Variants in PRKDC observed in about 807,000 individuals in gnomAD.
PRKDC encodes the protein protein kinase, DNA-activated, catalytic subunit.
Under a neutral mutation model 486.9 loss-of-function variants are expected in PRKDC, and 82 were observed. The observed-to-expected ratio is 0.17, with a 90% confidence interval of 0.14 to 0.20. PRKDC has a LOEUF of 0.20. Ranked by LOEUF, PRKDC falls within the 10% of genes least tolerant of loss-of-function variation. The pLI is 1.00. For synonymous variants in PRKDC, 1,895 were observed against 1,837.0 expected (o/e 1.03, Z -0.81); for missense variants, 4,504 against 5,038.2 (o/e 0.89, Z 3.21).
intron 1 of PRKDC, 51 bp from the exon 2 acceptor site, chr8:47,957,482 T>C (rs2090724160): frequency 7.1e-7 from 1 of 1,403,164 alleles, no homozygotes; most frequent in African/African-American, 1.4e-5. Flanking sequence ...GAGCATCATG[T>C]AAACCACTCC....
At chr8:47,903,307 C>A (rs1471772762) in intron 26 of PRKDC, among the ~76,000 whole-genome samples, 2 of 152,238 alleles carry the variant, frequency 1.3e-5, no homozygotes, top group Admixed American at 6.5e-5. Flanking sequence ...CAGCTATGGA[C>A]ATTTGACCAA....
At chr8:47,897,607 T>G (rs1031873664) in intron 29 of PRKDC, among the ~76,000 whole-genome samples, 1 of 152,214 alleles carries the variant, frequency 6.6e-6, no homozygotes, top group Non-Finnish European at 1.5e-5. Context: ...TCTCAAAGTG[T>G]GGTCCCTGGA....
intron 69 of PRKDC, among the ~76,000 whole-genome samples, chr8:47,806,800 T>G (rs2087222961): frequency 6.6e-6 from 1 of 152,212 alleles, no homozygotes; most frequent in Admixed American, 6.5e-5. Flanking sequence ...CATTTTGAAA[T>G]GATTAACAGG....
chr8:47,838,910 A>T (rs1292533293), intron 56 of PRKDC, among the ~76,000 whole-genome samples: 1 of 152,222 alleles, frequency 6.6e-6, no homozygotes, highest in African/African-American at 2.4e-5. Flanking sequence ...GCCCTACCAT[A>T]CAGCATTTGG....
intron 21 of PRKDC, among the ~76,000 whole-genome samples, chr8:47,919,658 A>G (rs1416364775): frequency 6.6e-6 from 1 of 151,270 alleles, no homozygotes; most frequent in Non-Finnish European, 1.5e-5. Context: ...TTTCCTTTCT[A>G]TAAGATGTTA....
At chr8:47,904,175 T>TA (rs1196564213) in intron 26 of PRKDC, among the ~76,000 whole-genome samples, 2 of 152,242 alleles carry the variant, frequency 1.3e-5, no homozygotes, top group African/African-American at 4.8e-5. Context: ...GAGTTCTGTG[T>TA]AAAAGGTGAA....
chr8:47,870,135 A>T (rs1004120007), intron 40 of PRKDC, among the ~76,000 whole-genome samples: 4 of 152,004 alleles, frequency 2.6e-5, no homozygotes, highest in Non-Finnish European at 5.9e-5. Flanking sequence ...AGAACACAAG[A>T]CTGGCTAGAT....
chr8:47,874,834 C>A (rs1023947217), intron 40 of PRKDC, among the ~76,000 whole-genome samples: 2 of 151,052 alleles, frequency 1.3e-5, no homozygotes, highest in African/African-American at 4.9e-5. Flanking sequence ...GCAGGCAGAT[C>A]GCTTGAGCCC....
intron 7 of PRKDC, among the ~76,000 whole-genome samples, chr8:47,946,701 T>G (rs1206680927): frequency 1.3e-5 from 2 of 152,098 alleles, no homozygotes; most frequent in African/African-American, 4.8e-5. Context: ...TGATTTCTGC[T>G]GCAAGATCCC....
intron 42 of PRKDC, 70 bp downstream of exon 42, chr8:47,863,329 C>A: frequency 7.8e-7 from 1 of 1,274,408 alleles, no homozygotes; most frequent in African/African-American, 1.5e-5. Flanking sequence ...ACACTATATA[C>A]ATACATAAAA....
intron 10 of PRKDC, among the ~76,000 whole-genome samples, chr8:47,942,408 C>T (rs1414872707): frequency 2.6e-5 from 4 of 152,114 alleles, no homozygotes; most frequent in Non-Finnish European, 4.4e-5. Context: ...TGAGGCCCAT[C>T]GGCTCAGTTT....
intron 80 of PRKDC, among the ~76,000 whole-genome samples, chr8:47,780,188 T>C (rs1480369198): frequency 6.6e-6 from 1 of 152,216 alleles, no homozygotes; most frequent in Non-Finnish European, 1.5e-5. Flanking sequence ...GTGCTGGGAT[T>C]ACAGGCGTGA....
intron 63 of PRKDC, among the ~76,000 whole-genome samples, chr8:47,825,504 C>CAAAAAAAAAAAAAAAA (rs397891351): frequency 9.8e-5 from 1 of 10,256 alleles, no homozygotes; most frequent in African/African-American, 3.6e-4. Flanking sequence ...AAGACTGTCT[C>CAAAAAAAAAAAAAAAA]AAAAAAAAAA....
chr8:47,888,723 T>C (rs2089390507), intron 33 of PRKDC, 73 bp from the exon 34 acceptor site: 3 of 1,459,420 alleles, frequency 2.1e-6, no homozygotes, highest in Admixed American at 2.7e-5. Context: ...CTGAAAAAAA[T>C]GTTTGCACTG....
intron 30 of PRKDC, among the ~76,000 whole-genome samples, chr8:47,895,831 G>C (rs1386195602): frequency 6.6e-6 from 1 of 152,098 alleles, no homozygotes. Context: ...ACGAGGTCAG[G>C]AGTTTGAGAC....
chr8:47,878,011 T>A (rs1196487710), intron 39 of PRKDC, among the ~76,000 whole-genome samples, 160 bp from the exon 40 acceptor site: 1 of 151,910 alleles, frequency 6.6e-6, no homozygotes, highest in African/African-American at 2.4e-5. Flanking sequence ...AATACCAGTA[T>A]TTCTGTCATT....
At chr8:47,946,565 T>G (rs1483251302) in intron 7 of PRKDC, among the ~76,000 whole-genome samples, 1 of 151,994 alleles carries the variant, frequency 6.6e-6, no homozygotes. Flanking sequence ...CTGCACTGCC[T>G]CCTCAGCACT....
intron 31 of PRKDC, 49 bp from the exon 32 acceptor site, chr8:47,890,529 A>G: frequency 7.3e-7 from 1 of 1,360,720 alleles, no homozygotes; most frequent in Non-Finnish European, 1.0e-6. Context: ...TTTCAACTCC[A>G]CTAAGATTAA....
At chr8:47,854,678 A>G (rs1302004721) in intron 50 of PRKDC, among the ~76,000 whole-genome samples, 1 of 152,142 alleles carries the variant, frequency 6.6e-6, no homozygotes, top group Non-Finnish European at 1.5e-5. Flanking sequence ...AGGGTAAGAA[A>G]TGCTTTTTCT....
Sources: gnomAD v4.1 joint callset for allele counts (sites outside exome capture counted in the v4.1 genomes callset) on GRCh38, gnomAD v4.1.1 for gene constraint, MANE v1.5 for transcripts, NCBI Gene and HGNC (gene_info 2026-07-23, HGNC 2026-07-21) for gene names.